CRNKL1: variants seen among roughly 807,000 people sequenced by gnomAD.
CRNKL1 encodes the protein crooked neck pre-mRNA splicing factor 1.
Under a neutral mutation model 103.7 loss-of-function variants are expected in CRNKL1, and 35 were observed. The observed-to-expected ratio is 0.34, with a 90% CI of 0.26 to 0.45. The LOEUF is 0.45. Among genes scored for constraint, CRNKL1 ranks in the 20% least tolerant of loss-of-function variants. The pLI is 1.00. For missense variants in CRNKL1, 645 were observed against 836.0 expected (o/e 0.77, Z 2.82); for synonymous variants, 267 against 282.6 (o/e 0.94, Z 0.55).
chr20:20,052,513 C>T (rs2043798852), upstream of CRNKL1: 2 of 1,614,134 alleles, frequency 1.2e-6, no homozygotes, highest in Non-Finnish European at 1.7e-6. Context: ...ACGGAGGCGG[C>T]ACCGTTTCCA....
intron 13 of CRNKL1, 59 bp downstream of exon 13, chr20:20,037,264 G>A (rs1034417051): frequency 1.9e-5 from 29 of 1,565,658 alleles, no homozygotes; most frequent in Middle Eastern, 1.7e-4. Context: ...ACATTTCGAC[G>A]TCAGAAGTGT....
intron 5 of CRNKL1, among the ~76,000 whole-genome samples, chr20:20,047,187 G>C (rs1051625172): frequency 6.6e-6 from 1 of 152,292 alleles, no homozygotes; most frequent in Non-Finnish European, 1.5e-5. Context: ...CAGGACCTTA[G>C]TACAGTTAGT....
At chr20:20,052,590 A>C, upstream of CRNKL1, 1 of 1,613,826 alleles carries the variant, frequency 6.2e-7, no homozygotes, top group Non-Finnish European at 8.5e-7. Flanking sequence ...GCTGCGGATG[A>C]GGTGGGTAAC....
At chr20:20,044,329 C>T (rs2043561078) in intron 6 of CRNKL1, among the ~76,000 whole-genome samples, 1 of 152,226 alleles carries the variant, frequency 6.6e-6, no homozygotes, top group South Asian at 2.1e-4. Context: ...AGAATCTGAA[C>T]TCCCTAGCAT....
chr20:20,039,574 C>T (rs749330987), intron 11 of CRNKL1, 35 bp downstream of exon 11: 2 of 1,610,902 alleles, frequency 1.2e-6, no homozygotes, highest in Non-Finnish European at 1.7e-6. Flanking sequence ...AAACACGTAT[C>T]TCAAACAAAA....
In CRNKL1 at chr20:20,038,356, T is replaced by A. The variant is rs1226374254; in HGVS notation, c.1640A>T (p.His547Leu). The A allele has an allele frequency of 6.5e-7, 1 of 1,546,636 alleles. No homozygotes were observed. Among genetic ancestry groups the A allele is most frequent in the East Asian group, 2.4e-5 (1 of 40,934 alleles). Residue 547 changes from histidine (H) to leucine (L), a missense_variant, in exon 12 of 14, where the codon CAT (histidine) becomes CTT (leucine). By Grantham distance (99) the His-to-Leu change is moderately conservative. Transcript: ENST00000536226. ...TCTACAAAGCAAGGATACCTTGACA[T>A]GCTGCGTCCGTTGAAGCAACCGCCG... Reference protein sequence around the residue: ...LYRRLLQRTQHVKVWISFAQF... With the variant: ...LYRRLLQRTQLVKVWISFAQF...
At chr20:20,047,987 TG>T in intron 4 of CRNKL1, 56 bp from the exon 5 acceptor site, 4 of 1,540,616 alleles carry the variant, frequency 2.6e-6, no homozygotes, top group Non-Finnish European at 3.6e-6. Flanking sequence ...CATTGTTGAA[TG>T]GGAAGAAGAT....
Position 20,045,495 on chromosome 20 carries a change from G to C in CRNKL1, c.623-9C>G. 6.3e-7 allele frequency: 1 copy of C among 1,581,916 alleles called. No individual in the cohort carries two copies. Among genetic ancestry groups the C allele is most frequent in the Non-Finnish European group, 8.6e-7 (1 of 1,160,474 alleles). ...AGGGTGCACGAGGACAAGTGCAAGGGAATTAAGGAAATCCCAGGCAAAACA... is the reference window on the plus strand; with the variant it reads ...AGGGTGCACGAGGACAAGTGCAAGGCAATTAAGGAAATCCCAGGCAAAACA... On this transcript the variant is annotated splice_polypyrimidine_tract_variant and intron_variant, in intron 5 of 13. Coordinates refer to ENST00000536226, the MANE Select transcript of CRNKL1 (RefSeq NM_001278628.2).
rs2043783199 is a variant in CRNKL1, at chr20:20,052,334, G to A, written c.9C>T (p.Ala3=). 1 of 1,613,210 alleles carries A rather than the reference G, an allele frequency of 6.2e-7. No individual in the cohort carries two copies. Among genetic ancestry groups the A allele is most frequent in the Non-Finnish European group, 8.5e-7 (1 of 1,179,772 alleles). The change falls in exon 1 of 14, where the codon GCC becomes GCT. Residue 3 remains alanine, a synonymous_variant. Coordinates refer to ENST00000536226, the MANE Select transcript of CRNKL1 (RefSeq NM_001278628.2). MA[A]STAAGKQRIP... is the part of the protein sequence containing the mutation. Reference sequence around the variant, plus strand: ...TCCGCTGCTTCCCGGCCGCGGTGGAGGCCGCCATGTCTGCAGCAGTCGACC... The same window carrying A: ...TCCGCTGCTTCCCGGCCGCGGTGGAAGCCGCCATGTCTGCAGCAGTCGACC...
At position 20,048,334 on chromosome 20, in the gene CRNKL1, G is replaced by A. The variant is rs768046077; in HGVS notation, c.455+9C>T. On this transcript the variant is annotated intron_variant, in intron 4 of 13. Transcript: ENST00000536226. ...TATAAAAGGCTGTTTTGTTAGATCA[G>A]AAACTTACCAGAACTGATTAACTCG... 50 of 1,613,882 alleles carry A rather than the reference G, an allele frequency of 3.1e-5. No homozygotes were observed. The highest frequency in any genetic ancestry group is 3.9e-5 in the Non-Finnish European group (46 of 1,179,872).
At chr20:20,041,660 A>C in intron 8 of CRNKL1, 35 bp from the exon 9 acceptor site, 3 of 1,495,802 alleles carry the variant, frequency 2.0e-6, no homozygotes, top group Non-Finnish European at 1.9e-6. Flanking sequence ...CAAAATATTG[A>C]AGTCTGCTGC....
At chr20:20,050,092 C>G (rs2043662943) in intron 2 of CRNKL1, among the ~76,000 whole-genome samples, 1 of 152,342 alleles carries the variant, frequency 6.6e-6, no homozygotes, top group South Asian at 2.1e-4. Context: ...GTTGGGATTA[C>G]AGGCGCGAGC....
At chr20:20,054,340 G>A (rs1600287384), upstream of CRNKL1, among the ~76,000 whole-genome samples, 1 of 151,716 alleles carries the variant, frequency 6.6e-6, no homozygotes, top group East Asian at 1.9e-4. Flanking sequence ...AAAACTATGG[G>A]CCGTAGACTA....
intron 6 of CRNKL1, among the ~76,000 whole-genome samples, chr20:20,044,984 T>C (rs943486675): frequency 1.3e-5 from 2 of 152,246 alleles, no homozygotes; most frequent in Admixed American, 6.5e-5. Flanking sequence ...TTAAGCTTTT[T>C]GTTTCCCATA....
intron 2 of CRNKL1, 89 bp from the exon 3 acceptor site, chr20:20,049,520 G>A (rs889410210): frequency 1.2e-5 from 8 of 664,332 alleles, no homozygotes; most frequent in Non-Finnish European, 2.1e-5. Context: ...TACTAAAATG[G>A]TTATTCATTT....
chr20:20,052,829 C>T (rs2043854228), upstream of CRNKL1: 5 of 1,120,718 alleles, frequency 4.5e-6, no homozygotes, highest in Non-Finnish European at 6.3e-6. Context: ...GAGCTGCCGC[C>T]CTTTTAGGCT....
At chr20:20,047,683 C>T (rs1250549863) in intron 5 of CRNKL1, 82 bp downstream of exon 5, 2 of 1,400,436 alleles carry the variant, frequency 1.4e-6, no homozygotes. Flanking sequence ...GACTGTGTGT[C>T]CTGATCATGA....
chr20:20,041,239 ACACT>A (rs1307281747), intron 9 of CRNKL1, among the ~76,000 whole-genome samples: 2 of 152,258 alleles, frequency 1.3e-5, no homozygotes, highest in South Asian at 2.1e-4. Flanking sequence ...GTGCATGCAC[ACACT>A]CACTGTTACC....
intron 8 of CRNKL1, among the ~76,000 whole-genome samples, chr20:20,041,844 C>A (rs974129661): frequency 1.3e-5 from 2 of 152,192 alleles, no homozygotes; most frequent in African/African-American, 2.4e-5. Flanking sequence ...AACTTCTAAG[C>A]CCTTCTTTGT....
Sources: allele counts gnomAD v4.1 joint callset (sites outside exome capture counted in the v4.1 genomes callset), GRCh38; gene constraint gnomAD v4.1.1; transcripts MANE v1.5; gene names NCBI Gene and HGNC (gene_info 2026-07-23, HGNC 2026-07-21).